Variants in RANBP2 observed in about 807,000 individuals in gnomAD.
RANBP2 encodes E3 SUMO-protein ligase RanBP2.
Under a neutral mutation model 303.6 loss-of-function variants are expected in RANBP2, and 57 were observed. The ratio of observed to expected loss-of-function variants is 0.19; its 90% CI spans 0.15 to 0.23. The LOEUF is 0.23. Ranked by LOEUF, RANBP2 falls within the 10% of genes least tolerant of loss-of-function variation. The pLI, the probability that RANBP2 is intolerant of heterozygous loss-of-function variation, is 1.00. For synonymous variants in RANBP2, 1,167 were observed against 1,301.5 expected, an observed-to-expected ratio of 0.90 and a Z score of 2.23; for missense variants, 3,138 against 3,780.8, an observed-to-expected ratio of 0.83 and a Z score of 4.46.
chr2:108,873,621 T>A, the RANBP2 span: 11,500 of 1,468,488 alleles, frequency 7.8e-3, 56 homozygotes, highest in Non-Finnish European at 9.9e-3. Flanking sequence ...CATTTTTTAT[T>A]GAAAAATACC....
chr2:108,986,205 C>T, the RANBP2 span, among the ~76,000 whole-genome samples: 2 of 152,114 alleles, frequency 1.3e-5, no homozygotes, highest in African/African-American at 4.8e-5. Flanking sequence ...GAACCACCTA[C>T]AATGGCCTAT....
the RANBP2 span, among the ~76,000 whole-genome samples, chr2:109,126,400 T>C: frequency 2.0e-5 from 3 of 152,312 alleles, no homozygotes; most frequent in South Asian, 6.2e-4. Context: ...GCATCTGTGG[T>C]TCTGACTGCC....
the RANBP2 span, among the ~76,000 whole-genome samples, chr2:108,830,473 G>C: frequency 1.3e-5 from 2 of 152,116 alleles, no homozygotes; most frequent in Admixed American, 1.3e-4. Context: ...TCTAAGACAG[G>C]CCACCCTAAA....
the RANBP2 span, chr2:109,614,035 A>G: frequency 8.3e-7 from 1 of 1,209,062 alleles, no homozygotes. Flanking sequence ...GTGCGCGCTG[A>G]GCGTTTTGCC....
At chr2:108,834,523 T>A in the RANBP2 span, among the ~76,000 whole-genome samples, 1 of 152,186 alleles carries the variant, frequency 6.6e-6, no homozygotes, top group Non-Finnish European at 1.5e-5. Context: ...CCTGAAAATG[T>A]CTTTTTATAC....
At chr2:109,706,631 C>T in the RANBP2 span, among the ~76,000 whole-genome samples, 1 of 152,240 alleles carries the variant, frequency 6.6e-6, no homozygotes, top group African/African-American at 2.4e-5. Flanking sequence ...GTCTGTCCCC[C>T]ACTTCTTTGA....
the RANBP2 span, among the ~76,000 whole-genome samples, chr2:108,849,079 C>G: frequency 6.6e-6 from 1 of 151,976 alleles, no homozygotes; most frequent in African/African-American, 2.4e-5. Context: ...AAACCCAGTG[C>G]CTGAAATTTA....
the RANBP2 span, among the ~76,000 whole-genome samples, chr2:109,091,523 T>C: frequency 6.6e-6 from 1 of 152,332 alleles, no homozygotes; most frequent in East Asian, 1.9e-4. Flanking sequence ...CATTACTCTT[T>C]CTCTATTGCA....
chr2:109,033,101 A>T, the RANBP2 span, among the ~76,000 whole-genome samples: 1 of 152,092 alleles, frequency 6.6e-6, no homozygotes, highest in Non-Finnish European at 1.5e-5. Context: ...GTGGACAGAG[A>T]CCTTTCATGT....
At chr2:109,708,726 C>T in the RANBP2 span, among the ~76,000 whole-genome samples, 1 of 152,160 alleles carries the variant, frequency 6.6e-6, no homozygotes, top group Non-Finnish European at 1.5e-5. Context: ...GCTGTGATCC[C>T]AGCACCTTGG....
chr2:109,353,981 G>A, the RANBP2 span, among the ~76,000 whole-genome samples: 2 of 152,114 alleles, frequency 1.3e-5, no homozygotes, highest in Non-Finnish European at 2.9e-5. Flanking sequence ...GAAAGTCAGA[G>A]CCCCCCGAAG....
At chr2:109,599,267 G>A in the RANBP2 span, among the ~76,000 whole-genome samples, 6 of 152,118 alleles carry the variant, frequency 3.9e-5, no homozygotes, top group African/African-American at 1.4e-4. Context: ...AGACCAGCCT[G>A]GCCAACATGG....
intron 1 of RANBP2, among the ~76,000 whole-genome samples, chr2:108,722,929 C>T (rs1438182682): frequency 2.6e-5 from 4 of 152,216 alleles, no homozygotes; most frequent in Non-Finnish European, 5.9e-5. Context: ...AATTCTTTCT[C>T]TAGTTTTTCT....
chr2:109,179,911 C>CT, the RANBP2 span, among the ~76,000 whole-genome samples: 2 of 152,180 alleles, frequency 1.3e-5, no homozygotes, highest in Admixed American at 1.3e-4. Flanking sequence ...AAAAAAGTCA[C>CT]TGACGAAAGA....
the RANBP2 span, among the ~76,000 whole-genome samples, chr2:109,284,091 G>A: frequency 6.6e-6 from 1 of 152,152 alleles, no homozygotes; most frequent in Admixed American, 6.5e-5. Context: ...GGCCTTCCCA[G>A]ATCCACCGTA....
At chr2:109,552,093 C>A in the RANBP2 span, among the ~76,000 whole-genome samples, 1 of 151,900 alleles carries the variant, frequency 6.6e-6, no homozygotes, top group Admixed American at 6.6e-5. Flanking sequence ...GGAGCACAAA[C>A]CCTATTGCAA....
the RANBP2 span, among the ~76,000 whole-genome samples, chr2:109,719,409 CTTTT>C: frequency 8.0e-6 from 1 of 125,300 alleles, no homozygotes; most frequent in Non-Finnish European, 1.7e-5. Context: ...TGTGATATAT[CTTTT>C]TTTTTTTTTT....
chr2:109,690,954 T>C, the RANBP2 span, among the ~76,000 whole-genome samples: 1 of 152,172 alleles, frequency 6.6e-6, no homozygotes, highest in Non-Finnish European at 1.5e-5. Context: ...TCTCATGTCA[T>C]TGATGGGGCA....
downstream of RANBP2, chr2:108,786,723 G>A (rs1048870104): frequency 7.0e-6 from 8 of 1,138,642 alleles, no homozygotes; most frequent in Non-Finnish European, 9.0e-6. Context: ...GCGTGCCTCG[G>A]GGGGGCGGGG....
Sources: allele counts gnomAD v4.1 joint callset (sites outside exome capture counted in the v4.1 genomes callset), GRCh38; gene constraint gnomAD v4.1.1; transcripts MANE v1.5; gene names NCBI Gene and HGNC (gene_info 2026-07-23, HGNC 2026-07-21).